The following DENND1A variants were observed in gnomAD, a reference collection of about 807,000 sequenced individuals.
DENND1A encodes the protein DENN domain containing 1A.
DENND1A carries 51 observed loss-of-function variants against 113.7 expected under a neutral mutation model. That is an observed-to-expected ratio of 0.45 (90% CI 0.36 to 0.57). DENND1A has a LOEUF of 0.57. Among genes scored for constraint, DENND1A ranks in the 20% least tolerant of loss-of-function variants. The pLI is 0.00. For synonymous variants in DENND1A, 565 were observed against 570.8 expected (o/e 0.99, Z 0.14); for missense variants, 1,258 against 1,395.9 (o/e 0.90, Z 1.57).
chr9:123,483,739 T>C (rs1804425757), intron 13 of DENND1A, among the ~76,000 whole-genome samples: 1 of 152,204 alleles, frequency 6.6e-6, no homozygotes, highest in African/African-American at 2.4e-5. Context: ...TGGGGAAGTC[T>C]TTAGCTCCCC....
intron 13 of DENND1A, among the ~76,000 whole-genome samples, chr9:123,549,664 A>G (rs921566156): frequency 2.0e-5 from 3 of 152,180 alleles, no homozygotes; most frequent in African/African-American, 4.8e-5. Context: ...TAAATGTCCA[A>G]CAAGGGAGGG....
intron 2 of DENND1A, chr9:123,843,824 AC>A (rs1842179943): frequency 6.5e-6 from 1 of 152,884 alleles, no homozygotes; most frequent in African/African-American, 2.4e-5. Context: ...AGCTTTTTAA[AC>A]CATGAAACTC....
chr9:123,603,262 G>A (rs1279157072), intron 11 of DENND1A, among the ~76,000 whole-genome samples: 1 of 152,158 alleles, frequency 6.6e-6, no homozygotes, highest in Non-Finnish European at 1.5e-5. Flanking sequence ...AGAAATTCCA[G>A]TTCTTTGAAA....
At chr9:123,532,471 G>T (rs149276950) in intron 13 of DENND1A, among the ~76,000 whole-genome samples, 1 of 152,162 alleles carries the variant, frequency 6.6e-6, no homozygotes. Context: ...ATTTTGAAGA[G>T]TACAGGCCAG....
intron 21 of DENND1A, among the ~76,000 whole-genome samples, chr9:123,393,707 G>A (rs2042970901): frequency 6.6e-6 from 1 of 152,304 alleles, no homozygotes; most frequent in Non-Finnish European, 1.5e-5. Context: ...GGAGACAGAG[G>A]AAGCTACTGT....
chr9:123,424,818 C>T lies in DENND1A; in HGVS notation c.1489-12989G>A, dbSNP rs373234034. Among the ~76,000 whole-genome samples, 7 of 152,336 alleles carry T rather than the reference C, an allele frequency of 4.6e-5. No individual in the cohort carries two copies. In the South Asian group the frequency reaches 1.4e-3, roughly 32 times the overall value. ...GGGCTGTTGAGAACATTAAGTGAGA[C>T]GAAGTTTGTGAAGGGGCTTGGCTGA... On this transcript the variant is annotated intron_variant, in intron 19 of 23. Transcript: ENST00000394215.
At chr9:123,613,949 G>C (rs1350695617) in intron 10 of DENND1A, among the ~76,000 whole-genome samples, 1 of 152,200 alleles carries the variant, frequency 6.6e-6, no homozygotes, top group Non-Finnish European at 1.5e-5. Flanking sequence ...AAAAGGAAAA[G>C]GGCTCTGTTG....
At chr9:123,840,539 A>G (rs1841677339) in intron 2 of DENND1A, among the ~76,000 whole-genome samples, 1 of 152,188 alleles carries the variant, frequency 6.6e-6, no homozygotes, top group East Asian at 1.9e-4. Flanking sequence ...TTTTACAAAT[A>G]TTGTAAGTAA....
At chr9:123,721,074 C>T (rs1336884078) in intron 5 of DENND1A, among the ~76,000 whole-genome samples, 1 of 152,216 alleles carries the variant, frequency 6.6e-6, no homozygotes, top group Admixed American at 6.5e-5. Flanking sequence ...ACCCACTCTT[C>T]CCCTCCCTCT....
rs565417586 is a variant in DENND1A, at chr9:123,826,257, G to C, written c.89-33627C>G. Among the ~76,000 whole-genome samples, 8 of 152,126 alleles carry C rather than the reference G, an allele frequency of 5.3e-5. No individual in the cohort carries two copies. The South Asian group carries it at 1.7e-3, about 32-fold the overall frequency. On this transcript the variant is annotated intron_variant, in intron 2 of 23. Transcript: ENST00000394215. ...ATCTCTACAAAAAATACAAATATTA[G>C]CCAGGTGCAGTGGTTTGCACCTGTA...
intron 8 of DENND1A, among the ~76,000 whole-genome samples, chr9:123,666,711 T>C (rs1181294562): frequency 6.6e-6 from 1 of 152,200 alleles, no homozygotes; most frequent in Admixed American, 6.5e-5. Context: ...GTTTTTATAA[T>C]AGGTGATTTA....
At chr9:123,606,671 C>T (rs2060167134) in intron 11 of DENND1A, among the ~76,000 whole-genome samples, 1 of 152,214 alleles carries the variant, frequency 6.6e-6, no homozygotes, top group South Asian at 2.1e-4. Context: ...TCTAAATGTG[C>T]TCCCAATTAC....
chr9:123,633,210 T>C (rs1211485150), intron 9 of DENND1A, among the ~76,000 whole-genome samples: 1 of 151,834 alleles, frequency 6.6e-6, no homozygotes, highest in Non-Finnish European at 1.5e-5. Flanking sequence ...ACCCAGCCCA[T>C]AGGCACCCAT....
intron 2 of DENND1A, among the ~76,000 whole-genome samples, chr9:123,858,491 T>A (rs894275252): frequency 6.6e-6 from 1 of 151,958 alleles, no homozygotes; most frequent in African/African-American, 2.4e-5. Context: ...AGTAAGTGAG[T>A]GGGTACAAAT....
chr9:123,625,286 C>T (rs1429346151), intron 10 of DENND1A, among the ~76,000 whole-genome samples: 2 of 152,204 alleles, frequency 1.3e-5, no homozygotes, highest in African/African-American at 2.4e-5. Flanking sequence ...AAGAATTCAA[C>T]GCCATCACAG....
chr9:123,902,711 C>T (rs942186645), intron 1 of DENND1A, among the ~76,000 whole-genome samples: 1 of 150,778 alleles, frequency 6.6e-6, no homozygotes, highest in Non-Finnish European at 1.5e-5. Flanking sequence ...AAACTGACAT[C>T]CTTAAATAGA....
At chr9:123,412,757 C>A (rs973907592) in intron 19 of DENND1A, among the ~76,000 whole-genome samples, 1 of 152,174 alleles carries the variant, frequency 6.6e-6, no homozygotes, top group Non-Finnish European at 1.5e-5. Context: ...AAAATTCACG[C>A]GAGACCCAGG....
At chr9:123,505,069 G>T (rs1018773801) in intron 13 of DENND1A, among the ~76,000 whole-genome samples, 1 of 152,158 alleles carries the variant, frequency 6.6e-6, no homozygotes, top group Non-Finnish European at 1.5e-5. Context: ...ACATATTTCT[G>T]CAAGATAACT....
chr9:123,748,499 C>G (rs1046573392), intron 5 of DENND1A, among the ~76,000 whole-genome samples: 5 of 152,172 alleles, frequency 3.3e-5, no homozygotes, highest in African/African-American at 1.2e-4. Flanking sequence ...TGGGGCCTCT[C>G]CATGATGGAG....
Sources: allele counts gnomAD v4.1 joint callset (sites outside exome capture counted in the v4.1 genomes callset), GRCh38; gene constraint gnomAD v4.1.1; transcripts MANE v1.5; gene names NCBI Gene and HGNC (gene_info 2026-07-23, HGNC 2026-07-21).